Variants in DNAH3 observed in about 807,000 individuals in gnomAD.
DNAH3 encodes the protein dynein axonemal heavy chain 3.
Under a neutral mutation model 432.5 loss-of-function variants are expected in DNAH3, and 332 were observed. The observed-to-expected ratio is 0.77, with a 90% CI of 0.70 to 0.84. The LOEUF (loss-of-function observed/expected upper bound fraction) is 0.84, where lower values mean the gene tolerates loss of function less well. Among genes scored for constraint, DNAH3 ranks in the 40% least tolerant of loss-of-function variants. DNAH3 has a pLI of 0.00. For missense variants in DNAH3, 4,861 were observed against 5,114.0 expected, an observed-to-expected ratio of 0.95 and a Z score of 1.51; for synonymous variants, 1,956 against 1,900.2, an observed-to-expected ratio of 1.03 and a Z score of -0.76.
chr16:21,140,545 C>T (rs780461804), exon 5 of DNAH3: 21 of 1,613,796 alleles, frequency 1.3e-5, no homozygotes, highest in African/African-American at 9.3e-5. Context: ...CCTCCAGGTC[C>T]GATTCAGATG....
At chr16:21,001,627 G>C (rs1490015096) in intron 42 of DNAH3, among the ~76,000 whole-genome samples, 2 of 152,118 alleles carry the variant, frequency 1.3e-5, no homozygotes, top group African/African-American at 4.8e-5. Flanking sequence ...AGAAGTAACA[G>C]GTGCTTAAGT....
chr16:20,995,791 C>G (rs2086739671), intron 44 of DNAH3, among the ~76,000 whole-genome samples: 1 of 152,228 alleles, frequency 6.6e-6, no homozygotes, highest in East Asian at 1.9e-4. Flanking sequence ...CTAGCATCCC[C>G]TTCAGAGCTC....
chr16:21,106,610 G>A (rs996734624), exon 15 of DNAH3: 2 of 1,610,312 alleles, frequency 1.2e-6, no homozygotes, highest in African/African-American at 2.7e-5. Context: ...AGGGATACCA[G>A]CTCCTTAGTG....
intron 29 of DNAH3, among the ~76,000 whole-genome samples, chr16:21,050,496 A>T (rs1247618931): frequency 6.6e-6 from 1 of 152,106 alleles, no homozygotes; most frequent in Non-Finnish European, 1.5e-5. Context: ...TGGAGTGCAG[A>T]GGCATGGTCA....
At chr16:21,159,198 T>C (rs1024801952) in intron 1 of DNAH3, 10 of 941,248 alleles carry the variant, frequency 1.1e-5, no homozygotes, top group African/African-American at 3.2e-5. Flanking sequence ...TCCCCATCGC[T>C]GCAGAGAGAT....
chr16:21,002,442 T>G (rs1054371049), intron 42 of DNAH3, among the ~76,000 whole-genome samples: 4 of 96,578 alleles, frequency 4.1e-5, no homozygotes, highest in South Asian at 4.2e-4. Context: ...CTATCTGGTG[T>G]TGTTATTATT....
At chr16:21,101,268 G>A (rs921204946) in intron 16 of DNAH3, among the ~76,000 whole-genome samples, 5 of 152,072 alleles carry the variant, frequency 3.3e-5, no homozygotes, top group African/African-American at 1.2e-4. Context: ...AAACATAATG[G>A]TTGTATGGGT....
chr16:21,145,482 G>T, intron 2 of DNAH3, 76 bp from the exon 4 acceptor site: 1 of 1,306,798 alleles, frequency 7.7e-7, no homozygotes. Context: ...TCACACTGAG[G>T]CTCACAAGAG....
intron 38 of DNAH3, among the ~76,000 whole-genome samples, chr16:21,025,287 A>G (rs2094407349): frequency 6.6e-6 from 1 of 151,006 alleles, no homozygotes; most frequent in South Asian, 2.1e-4. Flanking sequence ...TTAACAATTA[A>G]AAAGGGGTAC....
At chr16:20,947,302 C>T (rs1316009662) in intron 57 of DNAH3, among the ~76,000 whole-genome samples, 1 of 152,226 alleles carries the variant, frequency 6.6e-6, no homozygotes, top group East Asian at 1.9e-4. Context: ...AGTTCTCACT[C>T]CTTCCGCCAT....
chr16:21,022,907 T>C (rs2088325836), intron 39 of DNAH3, among the ~76,000 whole-genome samples: 1 of 151,998 alleles, frequency 6.6e-6, no homozygotes, highest in Admixed American at 6.6e-5. Flanking sequence ...GCCATCATGC[T>C]CAGCTAATTT....
exon 43 of DNAH3, chr16:21,000,518 C>A (rs1479829174): frequency 6.3e-7 from 1 of 1,597,246 alleles, no homozygotes; most frequent in Admixed American, 1.7e-5. Context: ...AGTTCTGAGA[C>A]CTGTACCACA....
intron 10 of DNAH3, chr16:21,121,126 G>T (rs1210271022): frequency 7.2e-6 from 4 of 556,308 alleles, no homozygotes; most frequent in South Asian, 6.4e-5. Context: ...AGGTGGAAGG[G>T]TGAGGGAGCT....
chr16:20,937,529 CTTTTT>C (rs71377696), intron 59 of DNAH3, among the ~76,000 whole-genome samples: 2 of 121,292 alleles, frequency 1.6e-5, no homozygotes, highest in East Asian at 2.3e-4. Context: ...CAAAGTTGTT[CTTTTT>C]TTTTTTTTTT....
chr16:21,058,342 G>A, intron 26 of DNAH3, 146 bp from the exon 27 acceptor site: 1 of 488,110 alleles, frequency 2.0e-6, no homozygotes, highest in Non-Finnish European at 3.7e-6. Flanking sequence ...GACATCTCTG[G>A]AATTACTGAT....
chr16:21,090,816 T>G (rs866974156), intron 18 of DNAH3, among the ~76,000 whole-genome samples: 3 of 152,086 alleles, frequency 2.0e-5, no homozygotes, highest in African/African-American at 7.2e-5. Flanking sequence ...GAAATAAATT[T>G]TAGTAATCTA....
At chr16:21,075,586 A>G (rs376134758) in intron 20 of DNAH3, 25 bp from the exon 21 acceptor site, 51 of 1,548,002 alleles carry the variant, frequency 3.3e-5, no homozygotes, top group Admixed American at 5.0e-5. Flanking sequence ...CAGCAACAGC[A>G]ACATCAACAG....
chr16:21,043,151 T>G (rs1373269331), intron 31 of DNAH3, among the ~76,000 whole-genome samples: 1 of 151,944 alleles, frequency 6.6e-6, no homozygotes, highest in Non-Finnish European at 1.5e-5. Context: ...TGTGTCTTTA[T>G]AGCAGCATGA....
At chr16:20,980,330 T>G (rs1356994590) in intron 49 of DNAH3, among the ~76,000 whole-genome samples, 1 of 140,828 alleles carries the variant, frequency 7.1e-6, no homozygotes, top group Non-Finnish European at 1.6e-5. Flanking sequence ...ATATATACTA[T>G]ATTATATTTT....
Sources: gnomAD v4.1 joint callset for allele counts (sites outside exome capture counted in the v4.1 genomes callset) on GRCh38, gnomAD v4.1.1 for gene constraint, MANE v1.5 for transcripts, NCBI Gene and HGNC (gene_info 2026-07-23, HGNC 2026-07-21) for gene names.